The following ACACA variants were observed in gnomAD, a reference collection of about 807,000 sequenced individuals.
ACACA encodes the protein acetyl-CoA carboxylase 1.
Under a neutral mutation model 296.1 loss-of-function variants are expected in ACACA, and 103 were observed. The ratio of observed to expected loss-of-function variants is 0.35; its 90% CI spans 0.30 to 0.41. The LOEUF is 0.41. ACACA is among the 10% of genes least tolerant of loss of function. The pLI is 1.00. For missense variants in ACACA, 1,554 were observed against 2,989.7 expected, an observed-to-expected ratio of 0.52 and a Z score of 11.20; for synonymous variants, 953 against 1,038.6, an observed-to-expected ratio of 0.92 and a Z score of 1.58.
At chr17:37,129,876 C>A (rs891985927) in intron 46 of ACACA, among the ~76,000 whole-genome samples, 199 bp downstream of exon 46, 2 of 152,132 alleles carry the variant, frequency 1.3e-5, no homozygotes, top group African/African-American at 4.8e-5. Context: ...AGGGGCCCAA[C>A]AAATGAAATC....
chr17:37,391,947 G>T, intron 1 of ACACA: 1 of 550,946 alleles, frequency 1.8e-6, no homozygotes. Flanking sequence ...CCATCTAAAT[G>T]GATACCTTTC....
chr17:37,087,268 C>T lies in ACACA; in HGVS notation c.*48G>A. 6.2e-7 allele frequency: 1 copy of T among 1,613,222 alleles called. No individual in the cohort carries two copies. The highest frequency in any genetic ancestry group is 1.1e-5 in the South Asian group (1 of 91,042). ...GTGGTTACAGTTGTAAAAGGCAGCT[C>T]TAGCCCTTTTCTCCAGAGACAGGGC... On this transcript the variant is annotated 3_prime_UTR_variant, in exon 56 of 56. Transcript: ENST00000616317.
At chr17:37,193,232 G>A in intron 36 of ACACA, 142 bp downstream of exon 36, 1 of 670,340 alleles carries the variant, frequency 1.5e-6, no homozygotes, top group Non-Finnish European at 2.6e-6. Flanking sequence ...TTAGTTCTAA[G>A]ACACATGTAA....
At chr17:37,286,113 C>T (rs1270388966) in intron 3 of ACACA, among the ~76,000 whole-genome samples, 1 of 152,174 alleles carries the variant, frequency 6.6e-6, no homozygotes, top group African/African-American at 2.4e-5. Context: ...TGGTCTCGAA[C>T]TCCTGACCTC....
chr17:37,182,315 A>G (rs376703819), intron 39 of ACACA, among the ~76,000 whole-genome samples: 2 of 151,938 alleles, frequency 1.3e-5, no homozygotes, highest in Non-Finnish European at 2.9e-5. Context: ...CATATAGTAA[A>G]ATAACCATAT....
At chr17:37,302,816 A>T (rs1351315489) in intron 3 of ACACA, among the ~76,000 whole-genome samples, 2 of 152,158 alleles carry the variant, frequency 1.3e-5, no homozygotes, top group Non-Finnish European at 1.5e-5. Context: ...CTCATTTAAA[A>T]ATTTTTTGTT....
intron 42 of ACACA, among the ~76,000 whole-genome samples, chr17:37,159,283 G>A (rs547407426): frequency 6.6e-6 from 1 of 152,006 alleles, no homozygotes; most frequent in South Asian, 2.1e-4. Flanking sequence ...ACAATGGCAC[G>A]ATCCTGGCTC....
intron 41 of ACACA, among the ~76,000 whole-genome samples, chr17:37,174,332 T>C (rs1041038185): frequency 6.6e-6 from 1 of 151,692 alleles, no homozygotes; most frequent in Non-Finnish European, 1.5e-5. Context: ...CTATACCAAC[T>C]GAAAAAAGAA....
At chr17:37,156,317 C>A (rs1047775220) in intron 42 of ACACA, among the ~76,000 whole-genome samples, 1 of 152,130 alleles carries the variant, frequency 6.6e-6, no homozygotes, top group Non-Finnish European at 1.5e-5. Flanking sequence ...CCCGCCTCGG[C>A]CTCCCAAAGT....
chr17:37,225,358 GAA>G, intron 26 of ACACA: 2 of 455,984 alleles, frequency 4.4e-6, no homozygotes, highest in Middle Eastern at 1.3e-3. Flanking sequence ...GGAAGGGAGA[GAA>G]AACAGCTTCG....
intron 16 of ACACA, among the ~76,000 whole-genome samples, chr17:37,249,432 C>T (rs2080874505): frequency 6.6e-6 from 1 of 152,128 alleles, no homozygotes; most frequent in African/African-American, 2.4e-5. Context: ...AATTGCAATA[C>T]CATTTTTCAA....
At chr17:37,344,571 A>T (rs541129097) in intron 1 of ACACA, among the ~76,000 whole-genome samples, 76 of 152,146 alleles carry the variant, frequency 5.0e-4, no homozygotes, top group South Asian at 4.1e-4. Flanking sequence ...AAAATAAATA[A>T]AAATAAATAA....
intron 54 of ACACA, among the ~76,000 whole-genome samples, chr17:37,092,505 G>A (rs2072714995): frequency 6.6e-6 from 1 of 152,220 alleles, no homozygotes; most frequent in South Asian, 2.1e-4. Flanking sequence ...GTCTGCATCA[G>A]TGGATAAGTA....
chr17:37,293,017 A>T (rs949775273), intron 3 of ACACA, among the ~76,000 whole-genome samples: 12 of 152,228 alleles, frequency 7.9e-5, no homozygotes, highest in African/African-American at 1.7e-4. Flanking sequence ...ACTATATATT[A>T]AAAAAACTGG....
intron 1 of ACACA, chr17:37,389,244 A>T: frequency 6.3e-7 from 1 of 1,579,250 alleles, no homozygotes; most frequent in Non-Finnish European, 8.6e-7. Flanking sequence ...TTCTCCCTTC[A>T]GTATCAATGC....
chr17:37,202,635 T>G (rs1454897589), intron 33 of ACACA, among the ~76,000 whole-genome samples: 2 of 145,084 alleles, frequency 1.4e-5, no homozygotes, highest in Non-Finnish European at 3.0e-5. Flanking sequence ...ATCTTTTGTT[T>G]TTTTCTTAAA....
At chr17:37,247,098 C>T in intron 18 of ACACA, 122 bp from the exon 19 acceptor site, 1 of 1,020,922 alleles carries the variant, frequency 9.8e-7, no homozygotes, top group Non-Finnish European at 1.5e-6. Context: ...CACACACAGA[C>T]ATATTCACTG....
chr17:37,144,313 G>A (rs976997415), intron 45 of ACACA: 10 of 549,690 alleles, frequency 1.8e-5, no homozygotes, highest in East Asian at 7.3e-5. Flanking sequence ...TTTCCACAGC[G>A]AGGCACAGAG....
At position 37,179,289 on chromosome 17, in the gene ACACA, G is replaced by A; in HGVS notation, c.5050C>T (p.His1684Tyr). ...TTTCCTCCTGGAAGCCTGTTCATGT[G>A]GACCAGCTGACCTTGATCATCCAGT... ...LVLDDQGQLV[H>Y]MNRLPGGNEI... The change falls in exon 41 of 56, where the codon CAC (histidine) becomes TAC (tyrosine). Residue 1684 changes from histidine to tyrosine, a missense_variant. By Grantham distance (83) the His-to-Tyr change is moderately conservative (BLOSUM62 2). Coordinates refer to ENST00000616317, the MANE Select transcript of ACACA (RefSeq NM_198834.3). 1 of 1,614,092 alleles carries A rather than the reference G, an allele frequency of 6.2e-7. No homozygotes were observed. Among genetic ancestry groups the A allele is most frequent in the South Asian group, 1.1e-5 (1 of 91,074 alleles).
Sources: allele counts gnomAD v4.1 joint callset (sites outside exome capture counted in the v4.1 genomes callset), GRCh38; gene constraint gnomAD v4.1.1; transcripts MANE v1.5; gene names NCBI Gene and HGNC (gene_info 2026-07-23, HGNC 2026-07-21).